The following GLI3 variants were observed in gnomAD, a reference collection of about 807,000 sequenced individuals.
The protein encoded by GLI3 is GLI family zinc finger 3.
Under a neutral mutation model 100.8 loss-of-function variants are expected in GLI3, and 20 were observed. That is an observed-to-expected ratio of 0.20 (90% CI 0.14 to 0.29). The LOEUF (loss-of-function observed/expected upper bound fraction) is 0.29, where lower values mean the gene tolerates loss of function less well. Among genes scored for constraint, GLI3 ranks in the 10% least tolerant of loss-of-function variants. The probability of loss-of-function intolerance (pLI) is 1.00; values close to 1 mark genes in which losing one functional copy is unlikely to be tolerated. For synonymous variants in GLI3, 938 were observed against 860.5 expected (o/e 1.09, Z -1.58); for missense variants, 2,040 against 2,128.5 (o/e 0.96, Z 0.82).
At chr7:42,166,825 A>T (rs1266074418) in intron 2 of GLI3, among the ~76,000 whole-genome samples, 2 of 148,250 alleles carry the variant, frequency 1.3e-5, no homozygotes, top group Non-Finnish European at 3.0e-5. Flanking sequence ...ATGACCAGCT[A>T]AATTTTTTTT....
intron 4 of GLI3, among the ~76,000 whole-genome samples, chr7:42,070,664 T>C (rs1251378342): frequency 6.6e-6 from 1 of 152,224 alleles, no homozygotes; most frequent in Non-Finnish European, 1.5e-5. Flanking sequence ...GCTTAGCCTA[T>C]AGTAAGTATT....
intron 4 of GLI3, among the ~76,000 whole-genome samples, chr7:42,060,532 T>C (rs1356633497): frequency 6.6e-6 from 1 of 152,196 alleles, no homozygotes; most frequent in Non-Finnish European, 1.5e-5. Flanking sequence ...AACTTTTGTC[T>C]TTAGAGATAG....
intron 4 of GLI3, among the ~76,000 whole-genome samples, chr7:42,069,571 T>C (rs1365676766): frequency 6.6e-6 from 1 of 152,054 alleles, no homozygotes; most frequent in Non-Finnish European, 1.5e-5. Context: ...CAGTGAAAAA[T>C]GTGAACAATA....
At chr7:42,108,146 C>T (rs3801180) in intron 3 of GLI3, among the ~76,000 whole-genome samples, 34,961 of 152,106 alleles carry the variant, frequency 0.23, 4,957 homozygotes, top group Middle Eastern at 0.35. Flanking sequence ...AAAACTTGAG[C>T]AAATCCTCCA....
At chr7:42,015,751 C>A (rs567930385) in intron 10 of GLI3, among the ~76,000 whole-genome samples, 85 of 151,532 alleles carry the variant, frequency 5.6e-4, no homozygotes, top group Non-Finnish European at 1.0e-3. Context: ...ACACACACAC[C>A]CACCCCCCCA....
chr7:42,065,763 T>G (rs1196277449), intron 4 of GLI3, among the ~76,000 whole-genome samples: 3 of 152,182 alleles, frequency 2.0e-5, no homozygotes, highest in African/African-American at 7.2e-5. Flanking sequence ...TGATTTATGT[T>G]ACTAACTTGG....
intron 3 of GLI3, among the ~76,000 whole-genome samples, chr7:42,142,062 G>A (rs1786582136): frequency 6.6e-6 from 1 of 152,174 alleles, no homozygotes; most frequent in African/African-American, 2.4e-5. Context: ...CCAGGTAGGG[G>A]CAACACAAGG....
At chr7:42,151,649 G>A (rs1583602108) in intron 2 of GLI3, 1 of 152,202 alleles carries the variant, frequency 6.6e-6, no homozygotes, top group South Asian at 2.1e-4. Context: ...TTTAACAGCT[G>A]CAAGCTCGGG....
intron 6 of GLI3, among the ~76,000 whole-genome samples, chr7:42,044,007 T>C (rs1237203941): frequency 1.3e-5 from 2 of 152,222 alleles, no homozygotes; most frequent in East Asian, 3.8e-4. Context: ...TTCCATGTAG[T>C]AATGAGCTTC....
At chr7:41,999,744 G>T (rs1186496757) in intron 10 of GLI3, among the ~76,000 whole-genome samples, 5 of 152,154 alleles carry the variant, frequency 3.3e-5, no homozygotes, top group Non-Finnish European at 7.4e-5. Context: ...TTGGTGAAAA[G>T]AACCTTTAAA....
intron 2 of GLI3, among the ~76,000 whole-genome samples, chr7:42,216,915 G>C (rs577361875): frequency 6.6e-6 from 1 of 152,302 alleles, no homozygotes; most frequent in South Asian, 2.1e-4. Context: ...TGTCAGACTG[G>C]GGCCAGATTT....
chr7:42,114,166 C>T (rs943423128), intron 3 of GLI3, among the ~76,000 whole-genome samples: 8 of 152,198 alleles, frequency 5.3e-5, no homozygotes, highest in African/African-American at 1.4e-4. Context: ...CATTTTCATT[C>T]CACTTCCTGA....
intron 3 of GLI3, among the ~76,000 whole-genome samples, chr7:42,081,694 T>C (rs1184756944): frequency 6.6e-6 from 1 of 152,130 alleles, no homozygotes; most frequent in Admixed American, 6.5e-5. Context: ...AGTTATAGTA[T>C]CCTCAGGCTA....
chr7:42,011,303 G>T (rs2128725595), intron 10 of GLI3, among the ~76,000 whole-genome samples: 1 of 152,296 alleles, frequency 6.6e-6, no homozygotes, highest in East Asian at 1.9e-4. Context: ...TTAAAGGTGA[G>T]ACCACCTGAA....
chr7:42,171,938 A>C (rs946216728), intron 2 of GLI3, among the ~76,000 whole-genome samples: 4 of 152,084 alleles, frequency 2.6e-5, no homozygotes, highest in Non-Finnish European at 5.9e-5. Context: ...GTACCTTCAC[A>C]TTGCCTCTGA....
At chr7:42,201,656 G>A (rs1788042052) in intron 2 of GLI3, among the ~76,000 whole-genome samples, 1 of 152,184 alleles carries the variant, frequency 6.6e-6, no homozygotes, top group Non-Finnish European at 1.5e-5. Context: ...TACATACCTA[G>A]GCTGTATGGC....
intron 3 of GLI3, among the ~76,000 whole-genome samples, chr7:42,140,482 G>A (rs567976260): frequency 6.6e-6 from 1 of 152,300 alleles, no homozygotes; most frequent in African/African-American, 2.4e-5. Context: ...CTCAAAAGAA[G>A]TGAAGACATT....
At chr7:42,133,195 C>G (rs1786337387) in intron 3 of GLI3, among the ~76,000 whole-genome samples, 1 of 152,062 alleles carries the variant, frequency 6.6e-6, no homozygotes, top group Non-Finnish European at 1.5e-5. Context: ...GAAAAGAAAA[C>G]AAACTTATGA....
At chr7:42,030,859 C>T (rs1479131476) in intron 7 of GLI3, among the ~76,000 whole-genome samples, 1 of 152,074 alleles carries the variant, frequency 6.6e-6, no homozygotes, top group Non-Finnish European at 1.5e-5. Context: ...GCTGGGATTA[C>T]AGGCATGCAC....
Sources: allele counts gnomAD v4.1 joint callset (sites outside exome capture counted in the v4.1 genomes callset), GRCh38; gene constraint gnomAD v4.1.1; transcripts MANE v1.5; gene names NCBI Gene and HGNC (gene_info 2026-07-23, HGNC 2026-07-21).